Variants in ADGRB3 observed in about 807,000 individuals in gnomAD.
The protein encoded by ADGRB3 is brain-specific angiogenesis inhibitor 3.
A neutral mutation model predicts 193.4 loss-of-function variants in ADGRB3; 37 were observed. The ratio of observed to expected loss-of-function variants is 0.19; its 90% CI spans 0.15 to 0.25. ADGRB3 has a LOEUF of 0.25. Among genes scored for constraint, ADGRB3 ranks in the 10% least tolerant of loss-of-function variants. The pLI, the probability that ADGRB3 is intolerant of heterozygous loss-of-function variation, is 1.00. For missense variants in ADGRB3, 1,637 were observed against 1,852.9 expected, an observed-to-expected ratio of 0.88 and a Z score of 2.14; for synonymous variants, 690 against 644.2, an observed-to-expected ratio of 1.07 and a Z score of -1.08.
At chr6:68,651,768 G>A (rs965659850) in intron 3 of ADGRB3, among the ~76,000 whole-genome samples, 13 of 152,092 alleles carry the variant, frequency 8.5e-5, no homozygotes, top group African/African-American at 2.7e-4. Context: ...GCCTAAAGCC[G>A]TGCCTAATTA....
At chr6:68,858,798 G>T (rs1765067111) in intron 3 of ADGRB3, among the ~76,000 whole-genome samples, 2 of 152,076 alleles carry the variant, frequency 1.3e-5, no homozygotes, top group South Asian at 2.1e-4. Context: ...TCCCTAGACT[G>T]CACACAGTGT....
chr6:69,291,540 C>T (rs1233966892), intron 20 of ADGRB3, among the ~76,000 whole-genome samples: 1 of 152,054 alleles, frequency 6.6e-6, no homozygotes, highest in African/African-American at 2.4e-5. Flanking sequence ...TTCTAACGCC[C>T]TTAGTATCAT....
intron 20 of ADGRB3, among the ~76,000 whole-genome samples, chr6:69,249,439 A>G (rs1014433558): frequency 3.3e-5 from 5 of 152,212 alleles, no homozygotes; most frequent in Non-Finnish European, 7.3e-5. Context: ...GCTAACAAAT[A>G]CCCAGTGCAT....
chr6:69,210,867 G>A lies in ADGRB3; in HGVS notation c.2481-22423G>A, dbSNP rs191090428. ...ATGGTGGCTCACGCCTGTAATCCCA[G>A]CACTTTGGGAGGCCGAGGCTGGCGG... On this transcript the variant is annotated intron_variant, in intron 17 of 31. Transcript: ENST00000370598. Among the ~76,000 whole-genome samples the A allele has an allele frequency of 1.2e-3, 187 of 152,168 alleles. 2 individuals carry two copies. In the South Asian group the frequency reaches 0.016, roughly 13 times the overall value.
intron 17 of ADGRB3, among the ~76,000 whole-genome samples, chr6:69,228,446 T>A (rs1031725315): frequency 2.0e-5 from 3 of 152,214 alleles, no homozygotes; most frequent in Non-Finnish European, 2.9e-5. Flanking sequence ...AATATTATGA[T>A]GTTGAATGGA....
At chr6:69,326,003 A>G (rs187440579) in intron 21 of ADGRB3, among the ~76,000 whole-genome samples, 2 of 152,232 alleles carry the variant, frequency 1.3e-5, no homozygotes, top group South Asian at 2.1e-4. Context: ...TGGGTGGACT[A>G]CCTGAGCGCG....
chr6:68,772,890 AAAAAATATATATATATAT>A lies in ADGRB3; in HGVS notation c.757+133460_757+133477del, dbSNP rs1312856139. The stretch of plus-strand genomic sequence containing the variant: ...ACAAACAAACAAACAAACAAAAAAA[AAAAAATATATATATATAT>A]ATATATATATATATATATATATATA... On this transcript the variant is annotated intron_variant, in intron 3 of 31. Transcript: ENST00000370598. Among the ~76,000 whole-genome samples, 382 of 46,098 alleles carry A rather than the reference AAAAAATATATATATATAT, an allele frequency of 8.3e-3. 8 individuals carry two copies. Among genetic ancestry groups the A allele is most frequent in the African/African-American group, 0.042 (366 of 8,636 alleles). The allele number at this position is 46,098 out of a possible 152,430, so 30.2% of individuals were successfully genotyped here.
At chr6:69,313,423 A>G (rs1768241394) in intron 20 of ADGRB3, among the ~76,000 whole-genome samples, 1 of 151,884 alleles carries the variant, frequency 6.6e-6, no homozygotes, top group Admixed American at 6.6e-5. Flanking sequence ...TAAACAGAAT[A>G]AATAAATGTC....
chr6:69,327,407 A>G (rs1222092353), intron 21 of ADGRB3, among the ~76,000 whole-genome samples: 3 of 152,314 alleles, frequency 2.0e-5, no homozygotes, highest in Non-Finnish European at 2.9e-5. Flanking sequence ...ATGTGGATCA[A>G]TATGTGGCCA....
chr6:68,815,631 GTGT>G (rs1767617523), intron 3 of ADGRB3, among the ~76,000 whole-genome samples: 1 of 148,488 alleles, frequency 6.7e-6, no homozygotes, highest in Admixed American at 6.9e-5. Flanking sequence ...GTGTGTGTGT[GTGT>G]GTGTGTGCAT....
At chr6:69,110,329 A>G (rs1773334860) in intron 17 of ADGRB3, among the ~76,000 whole-genome samples, 1 of 152,168 alleles carries the variant, frequency 6.6e-6, no homozygotes, top group Non-Finnish European at 1.5e-5. Flanking sequence ...AAAATATTCC[A>G]TGTGCTGAGT....
chr6:68,787,896 T>C (rs1274338104), intron 3 of ADGRB3, among the ~76,000 whole-genome samples: 1 of 152,204 alleles, frequency 6.6e-6, no homozygotes, highest in African/African-American at 2.4e-5. Flanking sequence ...GATATATGTG[T>C]GGAGGAATTT....
chr6:69,275,035 C>A (rs748094225), intron 20 of ADGRB3, among the ~76,000 whole-genome samples: 1 of 151,994 alleles, frequency 6.6e-6, no homozygotes, highest in Admixed American at 6.6e-5. Context: ...CACAGCCCAC[C>A]CAAGGAAAGA....
intron 17 of ADGRB3, among the ~76,000 whole-genome samples, chr6:69,102,540 C>G (rs1773093156): frequency 6.6e-6 from 1 of 152,168 alleles, no homozygotes; most frequent in African/African-American, 2.4e-5. Context: ...GGGTTGCTGG[C>G]ATTGTGATTG....
chr6:68,923,036 T>C (rs1767086963), intron 3 of ADGRB3, among the ~76,000 whole-genome samples: 1 of 152,126 alleles, frequency 6.6e-6, no homozygotes, highest in African/African-American at 2.4e-5. Context: ...ATAGTTAAGA[T>C]GGAATTAGAG....
intron 3 of ADGRB3, among the ~76,000 whole-genome samples, chr6:68,797,318 C>T (rs1405248531): frequency 6.6e-6 from 1 of 151,584 alleles, no homozygotes; most frequent in African/African-American, 2.4e-5. Context: ...TTAATTCTGT[C>T]TAGGACAGTA....
chr6:68,867,187 G>T (rs923194306), intron 3 of ADGRB3, among the ~76,000 whole-genome samples: 1 of 152,136 alleles, frequency 6.6e-6, no homozygotes, highest in Non-Finnish European at 1.5e-5. Flanking sequence ...AAATGGTTTT[G>T]TAGGCTAGTC....
chr6:68,719,282 G>T (rs2127322520), intron 3 of ADGRB3, among the ~76,000 whole-genome samples: 1 of 151,858 alleles, frequency 6.6e-6, no homozygotes, highest in East Asian at 1.9e-4. Flanking sequence ...ATGCTGTCCA[G>T]TGCAATAGCC....
intron 3 of ADGRB3, among the ~76,000 whole-genome samples, chr6:68,762,807 A>G (rs2127351944): frequency 6.6e-6 from 1 of 152,240 alleles, no homozygotes; most frequent in Admixed American, 6.5e-5. Flanking sequence ...CTGAAATTCT[A>G]CATTCTCTCA....
Sources: allele counts gnomAD v4.1 joint callset (sites outside exome capture counted in the v4.1 genomes callset), GRCh38; gene constraint gnomAD v4.1.1; transcripts MANE v1.5; gene names NCBI Gene and HGNC (gene_info 2026-07-23, HGNC 2026-07-21).